PFKL: variants seen among roughly 807,000 people sequenced by gnomAD.
PFKL encodes the protein phosphofructokinase, liver type, also known as ATP-dependent 6-phosphofructokinase, liver type.
PFKL carries 74 observed loss-of-function variants against 92.1 expected under a neutral mutation model. The observed-to-expected ratio is 0.80, with a 90% CI of 0.67 to 0.97. The LOEUF is 0.97. Ranked by LOEUF, PFKL falls within the 50% of genes least tolerant of loss-of-function variation. The pLI is 0.00. For missense variants in PFKL, 1,028 were observed against 1,116.6 expected (o/e 0.92, Z 1.13); for synonymous variants, 494 against 456.4 (o/e 1.08, Z -1.05).
At chr21:44,303,642 G>A (rs976661758) in intron 1 of PFKL, among the ~76,000 whole-genome samples, 5 of 151,938 alleles carry the variant, frequency 3.3e-5, no homozygotes, top group African/African-American at 9.7e-5. Flanking sequence ...GGCCCGCCAC[G>A]CCTCCCTGAC....
intron 14 of PFKL, 42 bp downstream of exon 14, chr21:44,322,245 G>A (rs1382697539): frequency 6.4e-7 from 1 of 1,567,182 alleles, no homozygotes; most frequent in African/African-American, 1.3e-5. Flanking sequence ...GGAGGGCCAG[G>A]GCGCAGTATC....
rs1389185041 is a variant in PFKL at position 44,326,965 on chromosome 21, G to A, written c.*103G>A. The A allele has an allele frequency of 2.7e-6, 3 of 1,095,648 alleles. No individual in the cohort carries two copies. In the African/African-American group the frequency reaches 4.7e-5, roughly 17 times the overall value. The allele number at this position is 1,095,648 out of a possible 1,614,324, so 67.9% of individuals were successfully genotyped here. On this transcript the variant is annotated 3_prime_UTR_variant, in exon 22 of 22. Transcript: ENST00000349048. Reference sequence around the variant, plus strand: ...TTGTGTCTGGAGCCTGCAGGCAGGTGGGGGCTGCGTCCCTGCTCAGCCCAT... The same window carrying A: ...TTGTGTCTGGAGCCTGCAGGCAGGTAGGGGCTGCGTCCCTGCTCAGCCCAT...
At position 44,326,284 on chromosome 21, in the gene PFKL, C is replaced by T. The variant is rs970507681; in HGVS notation, c.2195+20C>T. The T allele has an allele frequency of 1.2e-5, 19 of 1,562,730 alleles. No individual in the cohort carries two copies. Among genetic ancestry groups the T allele is most frequent in the Non-Finnish European group, 1.6e-5 (18 of 1,138,746 alleles). On this transcript the variant is annotated intron_variant, in intron 21 of 21. Coordinates refer to ENST00000349048, the MANE Select transcript of PFKL (RefSeq NM_002626.6). ...TTTCGAGTGAGTTCCACCAAAGCCT[C>T]GTGGAGGCGGGTGGGGCTGAGGGGT...
At position 44,303,572 on chromosome 21, in the gene PFKL, C is replaced by T. The variant is rs570180902; in HGVS notation, c.86-3109C>T. On this transcript the variant is annotated intron_variant, in intron 1 of 21. Transcript: ENST00000349048. ...CTGCAGGACACCGTGCCCTGCCTTTCCCTGGCTGGTGTGTTTGGACGTTGG... is the reference window on the plus strand; with the variant it reads ...CTGCAGGACACCGTGCCCTGCCTTTTCCTGGCTGGTGTGTTTGGACGTTGG... Among the ~76,000 whole-genome samples, 5 of 152,180 alleles carry T rather than the reference C, an allele frequency of 3.3e-5. No individual in the cohort carries two copies. The East Asian group carries it at 9.6e-4, about 29-fold the overall frequency.
At chr21:44,307,356 C>G in intron 2 of PFKL, 1 of 958,428 alleles carries the variant, frequency 1.0e-6, no homozygotes, top group Non-Finnish European at 1.2e-6. Context: ...CTTGCGCTCA[C>G]ACATGTGCAC....
Position 44,312,224 on chromosome 21 carries a change from T to C in PFKL, c.357T>C (p.Asp119=), listed in dbSNP as rs777225704. Residue 119 remains aspartate (D), a synonymous_variant, in exon 4 of 22, where the codon GAT becomes GAC. Transcript: ENST00000349048. ...GITNLCVIGG[D]GSLTGANIFR... The stretch of plus-strand genomic sequence containing the variant: ...CCAACCTGTGCGTCATCGGCGGGGA[T>C]GGCAGCCTCACAGGTGCCAACATCT... The C allele has an allele frequency of 8.8e-6, 14 of 1,599,064 alleles. No individual in the cohort carries two copies. The East Asian group carries it at 3.2e-4, about 36-fold the overall frequency.
At chr21:44,323,417 A>G (rs754230128) in intron 15 of PFKL, among the ~76,000 whole-genome samples, 25 of 152,168 alleles carry the variant, frequency 1.6e-4, no homozygotes, top group Non-Finnish European at 3.4e-4. Context: ...TAGGTGCTGG[A>G]CGGCATCGCT....
At chr21:44,307,272 C>T in intron 2 of PFKL, 9 of 985,190 alleles carry the variant, frequency 9.1e-6, no homozygotes, top group Non-Finnish European at 1.1e-5. Flanking sequence ...GCAGCGGATG[C>T]CCTACTGCCT....
intron 7 of PFKL, 188 bp from the exon 8 acceptor site, chr21:44,316,056 C>T (rs1384702997): frequency 1.6e-6 from 1 of 609,274 alleles, no homozygotes; most frequent in Non-Finnish European, 2.9e-6. Context: ...GGCGGGGCGT[C>T]CTAGTGGGCC....
intron 1 of PFKL, among the ~76,000 whole-genome samples, chr21:44,303,441 A>AAAAAAAAAGCCTTGATCG (rs1555874961): frequency 2.1e-5 from 2 of 97,096 alleles, no homozygotes; most frequent in African/African-American, 5.3e-5. Flanking sequence ...ACCAAAAAAA[A>AAAAAAAAAGCCTTGATCG]AAAAAAAAAA....
intron 12 of PFKL, chr21:44,321,244 A>C (rs536066115): frequency 6.5e-6 from 1 of 152,900 alleles, no homozygotes; most frequent in South Asian, 2.1e-4. Context: ...CTGGATTCAC[A>C]TGGATGTGGT....
At chr21:44,313,868 A>G (rs2047125000) in intron 6 of PFKL, 45 bp from the exon 7 acceptor site, 1 of 1,476,746 alleles carries the variant, frequency 6.8e-7, no homozygotes, top group South Asian at 1.2e-5. Context: ...GCTCCCCTCA[A>G]CGGCTGGGTG....
intron 15 of PFKL, among the ~76,000 whole-genome samples, 162 bp downstream of exon 15, chr21:44,323,211 G>T (rs369870783): frequency 6.6e-6 from 1 of 151,686 alleles, no homozygotes; most frequent in Non-Finnish European, 1.5e-5. Context: ...GAGGGCACCC[G>T]TGTGCCAGCT....
At position 44,313,934 on chromosome 21, in the gene PFKL, A is replaced by G. The variant is rs2047127260; in HGVS notation, c.660A>G (p.Ala220=). ...CCAGGTACCTGGCGCTGGTATCTGC[A>G]CTGGCCTCAGGGGCCGACTGGCTGT... is the stretch of plus-strand genomic sequence containing the variant. The part of the protein sequence containing the change: ...RHCGYLALVS[A]LASGADWLFI... The change falls in exon 7 of 22, where the codon GCA becomes GCG. Residue 220 remains alanine, a synonymous_variant. Coordinates refer to ENST00000349048, the MANE Select transcript of PFKL (RefSeq NM_002626.6). The G allele has an allele frequency of 1.9e-6, 3 of 1,602,096 alleles. No individual in the cohort carries two copies. The highest frequency in any genetic ancestry group is 2.6e-6 in the Non-Finnish European group (3 of 1,176,292).
At position 44,324,774 on chromosome 21, in the gene PFKL, T is replaced by A. The variant is rs116060225; in HGVS notation, c.1816-82T>A. On this transcript the variant is annotated intron_variant, in intron 17 of 21. Transcript: ENST00000349048. ...GCAGGTGGGACGCGTAGCCCAGTGC[T>A]CCTGCTGGCCCCGGATCGCCGGTCA... 6,333 of 1,579,092 alleles carry A rather than the reference T, an allele frequency of 4.0e-3. 219 individuals are homozygous for A. The African/African-American group carries it at 0.073, about 18-fold the overall frequency.
At chr21:44,323,425 G>A (rs1029870753) in intron 15 of PFKL, among the ~76,000 whole-genome samples, 1 of 152,204 alleles carries the variant, frequency 6.6e-6, no homozygotes, top group African/African-American at 2.4e-5. Context: ...GGACGGCATC[G>A]CTGAACGTGG....
At chr21:44,312,380 GA>G in intron 4 of PFKL, 86 bp downstream of exon 4, 1 of 1,277,772 alleles carries the variant, frequency 7.8e-7, no homozygotes, top group Non-Finnish European at 1.1e-6. Context: ...ACAGAGGGAC[GA>G]GGGATCCCTG....
chr21:44,322,175 CGT>C lies in PFKL; in HGVS notation c.1383_1384del (p.Gly462TrpfsTer37), dbSNP rs1568967501. On this transcript the variant is annotated frameshift_variant, in exon 14 of 22. Coordinates refer to ENST00000349048, the MANE Select transcript of PFKL (RefSeq NM_002626.6). LOFTEE classifies it high-confidence loss of function. ...GCACGACGTGGCCGGCTGGTTGGGG[CGT>C]GGTGGCTCCATGCTGGGGACCAAGA... ...GWHDVAGWLG[R>X]GGSMLGTKRT... 6.2e-7 allele frequency: 1 copy of C among 1,604,488 alleles called. No individual in the cohort carries two copies. Among genetic ancestry groups the C allele is most frequent in the Non-Finnish European group, 8.5e-7 (1 of 1,178,566 alleles).
intron 2 of PFKL, chr21:44,307,367 A>G (rs2040981368): frequency 1.1e-6 from 1 of 929,662 alleles, no homozygotes; most frequent in Non-Finnish European, 1.3e-6. Flanking sequence ...ACATGTGCAC[A>G]CACAGGCGCA....
Sources: gnomAD v4.1 joint callset for allele counts (sites outside exome capture counted in the v4.1 genomes callset) on GRCh38, gnomAD v4.1.1 for gene constraint, MANE v1.5 for transcripts, NCBI Gene and HGNC (gene_info 2026-07-23, HGNC 2026-07-21) for gene names.